The following ANAPC5 variants were observed in gnomAD, a reference collection of about 807,000 sequenced individuals.
The protein encoded by ANAPC5 is anaphase promoting complex subunit 5.
Under a neutral mutation model 91.3 loss-of-function variants are expected in ANAPC5, and 60 were observed. The observed-to-expected ratio is 0.66, with a 90% CI of 0.53 to 0.81. The LOEUF is 0.81. Among genes scored for constraint, ANAPC5 ranks in the 40% least tolerant of loss-of-function variants. The pLI is 0.00. For synonymous variants in ANAPC5, 340 were observed against 364.1 expected (o/e 0.93, Z 0.75); for missense variants, 690 against 931.5 (o/e 0.74, Z 3.37).
chr12:121,308,720 A>G, intron 16 of ANAPC5, 29 bp from the exon 17 acceptor site: 2 of 1,560,310 alleles, frequency 1.3e-6, no homozygotes, highest in Non-Finnish European at 1.8e-6. Context: ...TAACACACAC[A>G]TTTAACTCAA....
chr12:121,352,164 C>A lies in ANAPC5; in HGVS notation c.177G>T (p.Arg59Ser). Residue 59 changes from arginine (R) to serine (S), a missense_variant, in exon 1 of 17, where the codon AGG becomes AGT. Around this residue, in one of 5 missense-constraint regions of ANAPC5, gnomAD observed 238 missense variants for 264.9 expected, o/e 0.90. Transcript: ENST00000261819. ...EGAVSLMERR[R>S]LNQLLLPLLQ... is the part of the protein sequence containing the mutation. ...GCAGGGGCAGGAGCAGCTGGTTGAG[C>A]CTCCGCCGCTCCATGAGGCTGACGG... 1 of 1,612,014 alleles carries A rather than the reference C, an allele frequency of 6.2e-7. No individual in the cohort carries two copies. Among genetic ancestry groups the A allele is most frequent in the Non-Finnish European group, 8.5e-7 (1 of 1,178,590 alleles).
chr12:121,331,529 T>C, intron 7 of ANAPC5, 101 bp from the exon 8 acceptor site: 1 of 964,736 alleles, frequency 1.0e-6, no homozygotes, highest in South Asian at 1.6e-5. Flanking sequence ...AATGCAGGTC[T>C]CTGGGTTGGA....
At chr12:121,351,803 G>C (rs1903902818) in intron 1 of ANAPC5, among the ~76,000 whole-genome samples, 2 of 152,094 alleles carry the variant, frequency 1.3e-5, no homozygotes, top group East Asian at 3.9e-4. Context: ...CTAGGATAGG[G>C]AGCCTGTATG....
At chr12:121,333,581 C>G in intron 7 of ANAPC5, 1 of 152,024 alleles carries the variant, frequency 6.6e-6, no homozygotes, top group East Asian at 1.9e-4. Context: ...TTTTGAGGAG[C>G]CTTAAATATT....
At position 121,342,193 on chromosome 12, in the gene ANAPC5, T is replaced by C. The variant is rs1903486236; in HGVS notation, c.591-124A>G. ...AAAAATTTAACTCTCTCCTCAGAAC[T>C]AGGAAAGAAAAACATAAAAAGTGAT... is the stretch of plus-strand genomic sequence containing the variant. On this transcript the variant is annotated intron_variant, in intron 4 of 16. Transcript: ENST00000261819. This position sits in a 1 kb window ranked among gnomAD's most constrained non-coding sequence, Gnocchi z 4.1. 11 of 674,974 alleles carry C rather than the reference T, an allele frequency of 1.6e-5. No homozygotes were observed. The highest frequency in any genetic ancestry group is 2.7e-5 in the Non-Finnish European group (11 of 408,284). The allele number at this position is 674,974 out of a possible 1,614,324, so 41.8% of individuals were successfully genotyped here. A position where few individuals can be genotyped will look rare whatever the true frequency, so the allele number is the denominator to read the frequency against.
At chr12:121,334,879 G>A (rs898369979) in intron 7 of ANAPC5, 2 of 152,046 alleles carry the variant, frequency 1.3e-5, no homozygotes, top group South Asian at 2.1e-4. Flanking sequence ...TTCACTGAAC[G>A]GCCTGTTGTT....
chr12:121,316,499 C>T (rs1352202114), intron 15 of ANAPC5, among the ~76,000 whole-genome samples: 3 of 151,854 alleles, frequency 2.0e-5, no homozygotes, highest in Non-Finnish European at 2.9e-5. Flanking sequence ...TTTGGGAGGC[C>T]GAGGTGGGCG....
At chr12:121,346,306 T>C (rs1462286535) in intron 3 of ANAPC5, 1 of 300,578 alleles carries the variant, frequency 3.3e-6, no homozygotes, top group Non-Finnish European at 6.1e-6. Flanking sequence ...TCTGAAATGA[T>C]ATTTATGTGT....
chr12:121,318,710 C>T, intron 13 of ANAPC5, 102 bp from the exon 14 acceptor site: 6 of 1,075,660 alleles, frequency 5.6e-6, no homozygotes, highest in Non-Finnish European at 6.8e-6. Flanking sequence ...AGGGAAAAAA[C>T]TGTGCCTGAT....
chr12:121,353,823 G>A (rs1280422754), upstream of ANAPC5, among the ~76,000 whole-genome samples: 1 of 151,850 alleles, frequency 6.6e-6, no homozygotes, highest in African/African-American at 2.4e-5. Flanking sequence ...GCAGTGGCAC[G>A]CTCACGGCTC....
intron 11 of ANAPC5, among the ~76,000 whole-genome samples, chr12:121,322,741 G>A (rs1902667198): frequency 6.6e-6 from 1 of 152,090 alleles, no homozygotes; most frequent in African/African-American, 2.4e-5. Context: ...CTTAGAAGTA[G>A]GCTGGGTGCG....
chr12:121,327,041 G>C (rs1902845019), intron 11 of ANAPC5, 55 bp downstream of exon 11: 5 of 1,533,500 alleles, frequency 3.3e-6, no homozygotes, highest in African/African-American at 1.4e-5. Flanking sequence ...TTAGAGGAAA[G>C]AAATGGTAGA....
intron 15 of ANAPC5, among the ~76,000 whole-genome samples, chr12:121,315,981 C>T (rs1396563515): frequency 6.6e-6 from 1 of 151,956 alleles, no homozygotes; most frequent in Non-Finnish European, 1.5e-5. Flanking sequence ...TATCAAAAGA[C>T]ACTAACAAGA....
At chr12:121,340,316 C>CAAAA (rs782297405) in intron 5 of ANAPC5, among the ~76,000 whole-genome samples, 1 of 86,398 alleles carries the variant, frequency 1.2e-5, no homozygotes, top group African/African-American at 4.0e-5. Context: ...AACTCCATCT[C>CAAAA]AAAAAAAAAA....
chr12:121,338,886 A>G (rs1903343004), intron 5 of ANAPC5, among the ~76,000 whole-genome samples: 1 of 151,946 alleles, frequency 6.6e-6, no homozygotes, highest in Non-Finnish European at 1.5e-5. Flanking sequence ...TACATTTTTA[A>G]CAAAATCACA....
intron 4 of ANAPC5, among the ~76,000 whole-genome samples, chr12:121,343,313 C>A (rs1903532866): frequency 6.6e-6 from 1 of 152,092 alleles, no homozygotes; most frequent in Non-Finnish European, 1.5e-5. Flanking sequence ...GGGCAACTAA[C>A]TAAAAGAGAA....
chr12:121,337,318 C>T lies in ANAPC5; in HGVS notation c.732G>A (p.Leu244=), dbSNP rs1245487660. The T allele has an allele frequency of 3.7e-6, 6 of 1,613,758 alleles. No homozygotes were observed. The highest frequency in any genetic ancestry group is 5.1e-6 in the Non-Finnish European group (6 of 1,179,764). The change falls in exon 6 of 17, where the codon TTG becomes TTA. Residue 244 remains leucine (L), a synonymous_variant. Coordinates refer to ENST00000261819, the MANE Select transcript of ANAPC5 (RefSeq NM_016237.5). ...ASLQKELNNL[L]KFNPDFAEAH... ...CTTCAGCAAAATCAGGATTAAATTT[C>T]AACAAATTGTTTAATTCCTTCTGCA...
At chr12:121,316,732 CAAA>C (rs35989752) in intron 15 of ANAPC5, among the ~76,000 whole-genome samples, 22 of 28,964 alleles carry the variant, frequency 7.6e-4, no homozygotes, top group Non-Finnish European at 1.2e-3. Context: ...GACTCTGTCT[CAAA>C]AAAAAAAAAA....
At chr12:121,321,245 G>T (rs144510826) in intron 11 of ANAPC5, 1 of 147,036 alleles carries the variant, frequency 6.8e-6, no homozygotes, top group Admixed American at 6.8e-5. Flanking sequence ...ACAAAATTCC[G>T]TCTCAAAAAA....
Sources: allele counts gnomAD v4.1 joint callset (sites outside exome capture counted in the v4.1 genomes callset), GRCh38; gene constraint gnomAD v4.1.1; regional missense constraint gnomAD v4.1.1; non-coding constraint Gnocchi (gnomAD v3.1); transcripts MANE v1.5; gene names NCBI Gene and HGNC (gene_info 2026-07-23, HGNC 2026-07-21).